Variants in NRXN3 observed in about 807,000 individuals in gnomAD.
NRXN3 encodes the protein neurexin 3, also known as neurexin III.
In NRXN3, 32 loss-of-function variants were observed where a neutral mutation model predicts 137.6. The observed-to-expected ratio is 0.23, with a 90% CI of 0.18 to 0.31. The LOEUF is 0.31. Among genes scored for constraint, NRXN3 ranks in the 10% least tolerant of loss-of-function variants. NRXN3 has a pLI of 1.00. For synonymous variants in NRXN3, 798 were observed against 784.5 expected, an observed-to-expected ratio of 1.02 and a Z score of -0.29; for missense variants, 1,574 against 2,062.5, an observed-to-expected ratio of 0.76 and a Z score of 4.59.
At chr14:78,369,550 TC>T (rs2086499930) in intron 4 of NRXN3, among the ~76,000 whole-genome samples, 1 of 152,222 alleles carries the variant, frequency 6.6e-6, no homozygotes, top group Non-Finnish European at 1.5e-5. Flanking sequence ...GTATGTATGC[TC>T]CTGGCCTCCT....
chr14:79,184,390 T>C (rs1224124120), intron 15 of NRXN3, among the ~76,000 whole-genome samples: 2 of 152,250 alleles, frequency 1.3e-5, no homozygotes, highest in Non-Finnish European at 2.9e-5. Context: ...ATGTGGATAG[T>C]ACCTTCAGGT....
At chr14:78,606,547 C>T (rs996406304) in intron 4 of NRXN3, among the ~76,000 whole-genome samples, 4 of 152,184 alleles carry the variant, frequency 2.6e-5, no homozygotes, top group South Asian at 2.1e-4. Flanking sequence ...TAAACACTTA[C>T]GGTCTCTCCC....
At chr14:79,224,930 G>A (rs769634966) in intron 15 of NRXN3, among the ~76,000 whole-genome samples, 2 of 152,164 alleles carry the variant, frequency 1.3e-5, no homozygotes, top group African/African-American at 2.4e-5. Flanking sequence ...AACAGAAATG[G>A]TGAGAAAATT....
At chr14:79,415,645 G>A (rs2095485930) in intron 15 of NRXN3, among the ~76,000 whole-genome samples, 1 of 152,056 alleles carries the variant, frequency 6.6e-6, no homozygotes, top group African/African-American at 2.4e-5. Context: ...ACTAGTGTGT[G>A]TATGCCTCTA....
chr14:79,528,814 G>T (rs1044414840), intron 16 of NRXN3, among the ~76,000 whole-genome samples: 3 of 152,054 alleles, frequency 2.0e-5, no homozygotes, highest in Non-Finnish European at 4.4e-5. Flanking sequence ...CTTAATATGC[G>T]ATATAATAAG....
chr14:79,238,486 A>G (rs889779112), intron 15 of NRXN3, among the ~76,000 whole-genome samples: 2 of 152,142 alleles, frequency 1.3e-5, no homozygotes, highest in Non-Finnish European at 2.9e-5. Flanking sequence ...TGTTCGGTCT[A>G]ATAGTTATCA....
Position 78,968,246 on chromosome 14 carries a change from C to T in NRXN3, c.3042C>T (p.Gly1014=), listed in dbSNP as rs2099427776. 2 of 1,614,076 alleles carry T rather than the reference C, an allele frequency of 1.2e-6. No homozygotes were observed. The highest frequency in any genetic ancestry group is 2.2e-5 in the South Asian group (2 of 91,082). ...NLPKLVASRD[G]FQGCLASVDL... ...CAAAGCTCGTGGCCTCTCGAGATGG[C>T]TTTCAGGGCTGTCTAGCATCAGTGG... Residue 1014 remains glycine, a synonymous_variant, in exon 14 of 21, where the codon GGC becomes GGT. Coordinates refer to ENST00000335750, the MANE Select transcript of NRXN3 (RefSeq NM_001330195.2).
At chr14:78,869,888 G>A (rs1021000115) in intron 10 of NRXN3, among the ~76,000 whole-genome samples, 4 of 152,174 alleles carry the variant, frequency 2.6e-5, no homozygotes, top group Non-Finnish European at 5.9e-5. Flanking sequence ...GAGAGAGAAT[G>A]GGCTCAACTC....
intron 15 of NRXN3, among the ~76,000 whole-genome samples, chr14:79,126,960 G>A (rs943164627): frequency 3.7e-4 from 56 of 152,182 alleles, no homozygotes; most frequent in Non-Finnish European, 6.6e-4. Context: ...TTTTTTGGCT[G>A]CATAAATGTC....
intron 15 of NRXN3, among the ~76,000 whole-genome samples, chr14:79,323,181 A>G (rs999201561): frequency 6.6e-6 from 1 of 152,152 alleles, no homozygotes; most frequent in South Asian, 2.1e-4. Context: ...CTGCAGGTGC[A>G]TGCAACCATG....
At chr14:79,054,979 G>A (rs1296495179) in intron 15 of NRXN3, among the ~76,000 whole-genome samples, 1 of 152,192 alleles carries the variant, frequency 6.6e-6, no homozygotes, top group Non-Finnish European at 1.5e-5. Flanking sequence ...TACAGTGGTA[G>A]CTTGGGAGCT....
At chr14:79,648,040 C>T (rs1036385636) in intron 16 of NRXN3, among the ~76,000 whole-genome samples, 5 of 134,948 alleles carry the variant, frequency 3.7e-5, no homozygotes, top group African/African-American at 1.2e-4. Context: ...GTTATTTGAA[C>T]GGAATGAAGT....
At chr14:79,144,744 T>G (rs914843598) in intron 15 of NRXN3, among the ~76,000 whole-genome samples, 34 of 152,170 alleles carry the variant, frequency 2.2e-4, no homozygotes, top group Non-Finnish European at 7.4e-5. Flanking sequence ...ACTAGAAATA[T>G]GGTATCTTCT....
At chr14:79,701,164 G>T (rs2098753232) in intron 19 of NRXN3, among the ~76,000 whole-genome samples, 1 of 152,066 alleles carries the variant, frequency 6.6e-6, no homozygotes, top group Non-Finnish European at 1.5e-5. Flanking sequence ...ATAGCATAGT[G>T]ATTCAGTGCA....
chr14:78,478,566 C>T (rs185129480), intron 4 of NRXN3, among the ~76,000 whole-genome samples: 1 of 152,080 alleles, frequency 6.6e-6, no homozygotes, highest in African/African-American at 2.4e-5. Context: ...AAAGAGAAAG[C>T]CTTTCTAAGA....
intron 10 of NRXN3, among the ~76,000 whole-genome samples, chr14:78,906,749 C>T (rs1013838301): frequency 6.6e-6 from 1 of 152,032 alleles, no homozygotes; most frequent in South Asian, 2.1e-4. Context: ...TTGGTTTCTT[C>T]TTTCATACTT....
intron 4 of NRXN3, among the ~76,000 whole-genome samples, chr14:78,324,288 A>G (rs748167049): frequency 6.6e-6 from 1 of 152,094 alleles, no homozygotes; most frequent in African/African-American, 2.4e-5. Context: ...TGGTACATTC[A>G]CTGAGCACCT....
chr14:79,016,311 A>G lies in NRXN3; in HGVS notation c.3262+28170A>G, dbSNP rs1056140106. On this transcript the variant is annotated intron_variant, in intron 15 of 20. Coordinates refer to ENST00000335750, the MANE Select transcript of NRXN3 (RefSeq NM_001330195.2). ...TGGTTTAGAAGGTTTTCTTCTCCCT[A>G]AAATCTCCCTTAAGTCTTAGGCCCT... 1.6e-4 allele frequency among the ~76,000 whole-genome samples: 24 copies of G among 152,272 alleles called. 1 individual carries two copies. The highest frequency in any genetic ancestry group is 3.4e-3 in the Middle Eastern group (1 of 294).
At chr14:79,156,409 A>G (rs916026913) in intron 15 of NRXN3, among the ~76,000 whole-genome samples, 23 of 151,966 alleles carry the variant, frequency 1.5e-4, no homozygotes, top group African/African-American at 5.3e-4. Context: ...TTTATGGTCT[A>G]TGTCACAAAT....
Sources: gnomAD v4.1 joint callset for allele counts (sites outside exome capture counted in the v4.1 genomes callset) on GRCh38, gnomAD v4.1.1 for gene constraint, MANE v1.5 for transcripts, NCBI Gene and HGNC (gene_info 2026-07-23, HGNC 2026-07-21) for gene names.